CENPI: variants seen among roughly 807,000 people sequenced by gnomAD.
The protein encoded by CENPI is FSH primary response 1.
In CENPI, 4 loss-of-function variants were observed where a neutral mutation model predicts 60.4. The ratio of observed to expected loss-of-function variants is 0.07; its 90% CI spans 0.03 to 0.15. The LOEUF is 0.15. Among genes scored for constraint, CENPI ranks in the 10% least tolerant of loss-of-function variants. CENPI has a pLI of 1.00. For synonymous variants in CENPI, 157 were observed against 189.4 expected, an observed-to-expected ratio of 0.83 and a Z score of 1.40; for missense variants, 444 against 534.5, an observed-to-expected ratio of 0.83 and a Z score of 1.67.
chrX:101,108,785 A>G (rs2089516712), intron 4 of CENPI, among the ~76,000 whole-genome samples: 1 of 108,590 alleles, frequency 9.2e-6, no homozygotes, highest in Non-Finnish European at 1.9e-5. Context: ...TGCTGTGACT[A>G]CAGGCTTGCC....
chrX:101,144,217 G>A (rs1472432930), intron 16 of CENPI, among the ~76,000 whole-genome samples: 1 of 104,464 alleles, frequency 9.6e-6, no homozygotes, highest in Non-Finnish European at 2.0e-5. Flanking sequence ...CAAGCAGCTG[G>A]GATTATAGGC....
chrX:101,126,237 T>C (rs1042308794), intron 8 of CENPI, among the ~76,000 whole-genome samples: 1 of 112,170 alleles, frequency 8.9e-6, no homozygotes, highest in African/African-American at 3.2e-5. Context: ...AAGACTTGTT[T>C]CAGTTATATC....
chrX:101,133,261 A>G (rs1392911531), intron 15 of CENPI, among the ~76,000 whole-genome samples: 1 of 108,673 alleles, frequency 9.2e-6, no homozygotes, highest in Non-Finnish European at 1.9e-5. Context: ...ATCATCATTC[A>G]CATGACATCC....
intron 21 of CENPI, among the ~76,000 whole-genome samples, chrX:101,162,010 G>A (rs779404512): frequency 9.2e-6 from 1 of 109,159 alleles, no homozygotes; most frequent in South Asian, 4.0e-4. Flanking sequence ...GTGTAATCTC[G>A]GCTCACTGCA....
intron 20 of CENPI, among the ~76,000 whole-genome samples, chrX:101,151,206 G>T (rs2090003476): frequency 9.0e-6 from 1 of 111,468 alleles, no homozygotes; most frequent in Non-Finnish European, 1.9e-5. Flanking sequence ...TTCTGGTTAT[G>T]TCTTATCTTG....
At chrX:101,156,523 T>C (rs1012079461) in intron 20 of CENPI, among the ~76,000 whole-genome samples, 2 of 111,290 alleles carry the variant, frequency 1.8e-5, no homozygotes, top group African/African-American at 6.5e-5. Context: ...TTTCCATAGG[T>C]TTTTGGGGAA....
the CENPI span, among the ~76,000 whole-genome samples, chrX:101,178,275 C>G: frequency 9.0e-6 from 1 of 110,840 alleles, no homozygotes; most frequent in South Asian, 3.8e-4. Context: ...GTTAAATGAT[C>G]CGTTTGAAAT....
chrX:101,129,731 T>G (rs1349343017), intron 12 of CENPI, among the ~76,000 whole-genome samples: 2 of 112,159 alleles, frequency 1.8e-5, no homozygotes, highest in Non-Finnish European at 1.9e-5. Context: ...TCATTATATG[T>G]GAATTCTCTC....
chrX:101,123,313 C>CA (rs2089699179), intron 8 of CENPI, among the ~76,000 whole-genome samples: 1 of 111,776 alleles, frequency 8.9e-6, no homozygotes, highest in East Asian at 2.8e-4. Flanking sequence ...ATGAAGGAAA[C>CA]AAAACCACAA....
chrX:101,126,745 T>C lies in CENPI; in HGVS notation c.724T>C (p.Tyr242His), dbSNP rs1007289834. ...TCATCTCCAGGCTTTGTTGTCACTG[T>C]ATAAGTTCTTTGCTCCTGCTCTGAT... ...QPHLQALLSL[Y>H]KFFAPALISV... Residue 242 changes from tyrosine (Y) to histidine (H), a missense_variant, in exon 9 of 22, where the codon TAT becomes CAT. Transcript: ENST00000682095. The C allele has an allele frequency of 9.9e-6, 12 of 1,209,820 alleles. No individual in the cohort carries two copies. The highest frequency in any genetic ancestry group is 1.3e-5 in the Non-Finnish European group (12 of 893,726).
chrX:101,102,362 T>G lies in CENPI; in HGVS notation c.315T>G (p.Ala105=). The G allele has an allele frequency of 8.4e-7, 1 of 1,195,610 alleles. No homozygotes were observed. The highest frequency in any genetic ancestry group is 1.1e-6 in the Non-Finnish European group (1 of 884,044). The change falls in exon 4 of 22, where the codon GCT becomes GCG. Residue 105 remains alanine, a synonymous_variant. Coordinates refer to ENST00000682095, the MANE Select transcript of CENPI (RefSeq NM_001386188.2). ...VENVAWKNGL[A]SEEIDILLNI... is the part of the protein sequence containing the mutation. ...ATGTGGCTTGGAAGAATGGGTTAGC[T>G]TCAGAAGAAATTGATATTCTATTAA... is the stretch of plus-strand genomic sequence containing the variant.
At chrX:101,132,075 C>A in intron 13 of CENPI, 115 bp from the exon 14 acceptor site, 1 of 504,324 alleles carries the variant, frequency 2.0e-6, no homozygotes, top group Non-Finnish European at 3.3e-6. Context: ...ATATTCATGA[C>A]AAAAAATTAG....
chrX:101,123,030 A>G (rs1052440489), intron 8 of CENPI, among the ~76,000 whole-genome samples: 1 of 112,669 alleles, frequency 8.9e-6, no homozygotes, highest in Admixed American at 9.4e-5. Context: ...CACTCTATAC[A>G]GTACATCACT....
At chrX:101,154,997 T>G (rs2090040443) in intron 20 of CENPI, among the ~76,000 whole-genome samples, 1 of 111,625 alleles carries the variant, frequency 9.0e-6, no homozygotes, top group African/African-American at 3.3e-5. Flanking sequence ...TACAAGATTA[T>G]GTCTTCTGCA....
chrX:101,118,764 A>G (rs973364237), intron 6 of CENPI, among the ~76,000 whole-genome samples: 2 of 112,261 alleles, frequency 1.8e-5, no homozygotes, highest in African/African-American at 6.5e-5. Context: ...CATATTCAAC[A>G]TGATAGTATT....
At chrX:101,125,034 T>C (rs749246013) in intron 8 of CENPI, among the ~76,000 whole-genome samples, 6 of 111,505 alleles carry the variant, frequency 5.4e-5, no homozygotes, top group Non-Finnish European at 1.1e-4. Context: ...CGAGTCCAGC[T>C]TCATTTTCAG....
chrX:101,100,311 CTT>C (rs1369011249), intron 2 of CENPI: 1 of 111,871 alleles, frequency 8.9e-6, no homozygotes, highest in Non-Finnish European at 1.9e-5. Flanking sequence ...GCAGCTTTAA[CTT>C]AGCACTGACA....
intron 20 of CENPI, among the ~76,000 whole-genome samples, chrX:101,156,756 T>TG (rs2090056334): frequency 9.1e-6 from 1 of 109,693 alleles, no homozygotes; most frequent in South Asian, 3.9e-4. Context: ...CGATGTTTTT[T>TG]TTTTCATTCC....
intron 16 of CENPI, among the ~76,000 whole-genome samples, chrX:101,143,125 A>G (rs2089929948): frequency 9.3e-6 from 1 of 107,963 alleles, no homozygotes; most frequent in Non-Finnish European, 1.9e-5. Context: ...CTATGTGTAG[A>G]TGCTCGCCTA....
Sources: allele counts gnomAD v4.1 joint callset (sites outside exome capture counted in the v4.1 genomes callset), GRCh38; gene constraint gnomAD v4.1.1; transcripts MANE v1.5; gene names NCBI Gene and HGNC (gene_info 2026-07-23, HGNC 2026-07-21).